Variants in NUDT16L1 observed in about 807,000 individuals in gnomAD.
NUDT16L1 encodes tudor-interacting repair regulator protein.
NUDT16L1 carries 19 observed loss-of-function variants against 17.3 expected under a neutral mutation model. That is an observed-to-expected ratio of 1.10 (90% confidence interval 0.77 to 1.61). NUDT16L1 has a LOEUF of 1.61. Ranked by LOEUF, NUDT16L1 falls within the 40% of genes most tolerant of loss-of-function variation. The probability of loss-of-function intolerance (pLI) is 0.00; values close to 1 mark genes in which losing one functional copy is unlikely to be tolerated. For synonymous variants in NUDT16L1, 255 were observed against 138.6 expected, an observed-to-expected ratio of 1.84 and a Z score of -5.90; for missense variants, 341 against 292.0, an observed-to-expected ratio of 1.17 and a Z score of -1.22.
chr16:4,694,928 G>A, intron 2 of NUDT16L1, 30 bp from the exon 3 acceptor site: 1 of 1,583,362 alleles, frequency 6.3e-7, no homozygotes, highest in Non-Finnish European at 8.6e-7. Context: ...TGGCAGGCCT[G>A]GCCCCAACCC....
chr16:4,694,106 C>T lies in NUDT16L1; in HGVS notation c.282C>T (p.Ala94=), dbSNP rs1261774935. Residue 94 remains alanine (A), a synonymous_variant, in exon 2 of 3, where the codon GCC becomes GCT. Coordinates refer to ENST00000304301, the Ensembl canonical transcript of NUDT16L1. ...TGGGCTGCCTGCGCCTCACCGAGGC[C>T]GACTACCTGAGCTCGCACCTGACCG... 3.8e-6 allele frequency: 6 copies of T among 1,590,760 alleles called. No homozygotes were observed. In the African/African-American group the frequency reaches 4.1e-5, roughly 11 times the overall value.
chr16:4,695,187 C>G (rs769338543), exon 3 of NUDT16L1: 8 of 1,610,540 alleles, frequency 5.0e-6, no homozygotes, highest in Non-Finnish European at 6.8e-6. Context: ...TGAGGGCTGC[C>G]TGAGCTGGTG....
exon 3 of NUDT16L1, chr16:4,695,155 G>T (rs1434965102): frequency 6.2e-7 from 1 of 1,612,976 alleles, no homozygotes; most frequent in Admixed American, 1.7e-5. Flanking sequence ...AGGCCCTGGA[G>T]AAGTTGCTCC....
rs770850461 is a variant in NUDT16L1 at position 4,695,007 on chromosome 16, G to C, written c.464G>C (p.Gly155Ala). 6.2e-7 allele frequency: 1 copy of C among 1,612,708 alleles called. No individual in the cohort carries two copies. The change falls in exon 3 of 3, where the codon GGA (glycine) becomes GCA (alanine). Residue 155 changes from glycine to alanine, a missense_variant. Physicochemically the swap from Gly to Ala is moderately conservative, Grantham distance 60. Transcript: ENST00000304301. ...CTGTACACCCAGAAGGACCGAGTCG[G>C]AGGCTTCCCCAACTTCCTGAGCAAC...
chr16:4,695,737 G>C (rs942840639), exon 3 of NUDT16L1: 1 of 398,752 alleles, frequency 2.5e-6, no homozygotes, highest in Non-Finnish European at 4.4e-6. Context: ...TTTCAAAGTA[G>C]CTTCACCCCA....
At chr16:4,694,882 A>G in intron 2 of NUDT16L1, 76 bp from the exon 3 acceptor site, 1 of 1,520,956 alleles carries the variant, frequency 6.6e-7, no homozygotes, top group Non-Finnish European at 8.8e-7. Flanking sequence ...CTGGCCTCAT[A>G]GCTTCCAGGC....
chr16:4,695,431 G>C, exon 3 of NUDT16L1: 1 of 593,998 alleles, frequency 1.7e-6, no homozygotes, highest in South Asian at 2.1e-5. Flanking sequence ...GGATGCTCTT[G>C]TTTATTCTGG....
chr16:4,695,166 C>T lies in NUDT16L1; in HGVS notation c.623C>T (p.Pro208Leu), dbSNP rs756004634. ...AAGAAGGCCCTGGAGAAGTTGCTCCCGGCCTCCTCTTGAGGGCTGCCTGAG... is the reference window on the plus strand; with the variant it reads ...AAGAAGGCCCTGGAGAAGTTGCTCCTGGCCTCCTCTTGAGGGCTGCCTGAG... The change falls in exon 3 of 3, where the codon CCG becomes CTG. Residue 208 changes from proline (P) to leucine (L), a missense_variant. By Grantham distance (98) the Pro-to-Leu change is moderately conservative. Transcript: ENST00000304301. 3.5e-5 allele frequency: 56 copies of T among 1,612,652 alleles called. No individual in the cohort carries two copies. The Middle Eastern group carries it at 5.0e-4, about 14-fold the overall frequency.
intron 2 of NUDT16L1, chr16:4,694,598 C>T (rs986497895): frequency 9.8e-6 from 14 of 1,432,828 alleles, no homozygotes; most frequent in East Asian, 2.6e-5. Context: ...ACTTGGGAAC[C>T]TCATGTTGGG....
At chr16:4,694,231 G>A in exon 2 of NUDT16L1, 2 of 1,488,588 alleles carry the variant, frequency 1.3e-6, no homozygotes, top group Non-Finnish European at 1.8e-6. Flanking sequence ...CGCGACCACG[G>A]CCTGGAGGTG....
At chr16:4,694,823 C>G in intron 2 of NUDT16L1, 135 bp from the exon 3 acceptor site, 1 of 1,453,218 alleles carries the variant, frequency 6.9e-7, no homozygotes, top group Non-Finnish European at 9.0e-7. Context: ...TCTGCCAGGC[C>G]CTGCGTGGGT....
chr16:4,694,303 C>G, intron 2 of NUDT16L1, 65 bp downstream of exon 2: 1 of 1,481,944 alleles, frequency 6.7e-7, no homozygotes, highest in Non-Finnish European at 8.9e-7. Flanking sequence ...TGGAAGGCAC[C>G]GATGGGTAAC....
At chr16:4,694,325 G>A (rs940891613) in intron 2 of NUDT16L1, 87 bp downstream of exon 2, 87 of 1,491,328 alleles carry the variant, frequency 5.8e-5, no homozygotes, top group Non-Finnish European at 7.0e-5. Flanking sequence ...CGTCTCCTGA[G>A]GGTCCCCTGG....
exon 3 of NUDT16L1, chr16:4,695,249 A>G: frequency 6.6e-7 from 1 of 1,517,644 alleles, no homozygotes; most frequent in Non-Finnish European, 9.0e-7. Flanking sequence ...TGTGGCTTCT[A>G]GAGTGTTTGT....
upstream of NUDT16L1, chr16:4,693,609 G>A: frequency 1.7e-6 from 2 of 1,190,852 alleles, no homozygotes; most frequent in South Asian, 2.4e-5. Flanking sequence ...GGGCGCGCCG[G>A]CGATTGGCGG....
chr16:4,694,553 G>C, intron 2 of NUDT16L1: 2 of 1,456,206 alleles, frequency 1.4e-6, no homozygotes, highest in South Asian at 2.7e-5. Context: ...ATTGCTTGGG[G>C]AGTTGGGAAA....
chr16:4,695,171 T>G, exon 3 of NUDT16L1: 1 of 1,612,050 alleles, frequency 6.2e-7, no homozygotes, highest in Non-Finnish European at 8.5e-7. Flanking sequence ...GCTCCCGGCC[T>G]CCTCTTGAGG....
upstream of NUDT16L1, chr16:4,693,562 G>A (rs1461086566): frequency 6.7e-6 from 5 of 743,630 alleles, no homozygotes; most frequent in East Asian, 1.1e-4. Context: ...AGCACCTCTC[G>A]ACGACGCACC....
chr16:4,694,875 G>A (rs1162738032), intron 2 of NUDT16L1, 83 bp from the exon 3 acceptor site: 5 of 1,513,902 alleles, frequency 3.3e-6, no homozygotes, highest in Admixed American at 4.2e-5. Flanking sequence ...TCATACCCTG[G>A]CCTCATAGCT....
Sources: gnomAD v4.1 joint callset for allele counts on GRCh38, gnomAD v4.1.1 for gene constraint, MANE v1.5 for transcripts, NCBI Gene and HGNC (gene_info 2026-07-23, HGNC 2026-07-21) for gene names.